The following LRRC4C variants were observed in gnomAD, a reference collection of about 807,000 sequenced individuals.
The protein encoded by LRRC4C is leucine rich repeat containing 4C, also known as leucine-rich repeat-containing protein 4C.
A neutral mutation model predicts 33.6 loss-of-function variants in LRRC4C; 5 were observed. The observed-to-expected ratio is 0.15, with a 90% confidence interval of 0.08 to 0.31. The LOEUF is 0.31. Ranked by LOEUF, LRRC4C falls within the 10% of genes least tolerant of loss-of-function variation. The pLI is 1.00. For synonymous variants in LRRC4C, 329 were observed against 302.0 expected, an observed-to-expected ratio of 1.09 and a Z score of -0.93; for missense variants, 560 against 796.7, an observed-to-expected ratio of 0.70 and a Z score of 3.58.
intron 1 of LRRC4C, among the ~76,000 whole-genome samples, chr11:41,374,111 A>G (rs1034429202): frequency 1.3e-5 from 2 of 152,158 alleles, no homozygotes; most frequent in Admixed American, 1.3e-4. Context: ...CCAAACTTCT[A>G]GACTTGGGAC....
At chr11:40,868,178 C>T (rs1037110774) in intron 2 of LRRC4C, among the ~76,000 whole-genome samples, 2 of 152,010 alleles carry the variant, frequency 1.3e-5, no homozygotes, top group African/African-American at 4.8e-5. Context: ...CTGGGGGATG[C>T]TTGTGAAAAT....
At chr11:40,464,204 G>T (rs1595826) in intron 3 of LRRC4C, among the ~76,000 whole-genome samples, 2 of 151,760 alleles carry the variant, frequency 1.3e-5, no homozygotes, top group Non-Finnish European at 2.9e-5. Context: ...ATGATTCAAC[G>T]CATAAACAGA....
chr11:40,539,814 G>A (rs1956629652), intron 3 of LRRC4C, among the ~76,000 whole-genome samples: 1 of 152,060 alleles, frequency 6.6e-6, no homozygotes, highest in Non-Finnish European at 1.5e-5. Context: ...CAAACTTTAA[G>A]TGAGTTTTGT....
intron 2 of LRRC4C, among the ~76,000 whole-genome samples, chr11:40,710,350 G>A (rs1450059864): frequency 1.3e-5 from 2 of 152,122 alleles, no homozygotes; most frequent in East Asian, 1.9e-4. Context: ...GGTCTTTGAT[G>A]ATGGTGACCT....
intron 1 of LRRC4C, among the ~76,000 whole-genome samples, chr11:41,351,053 G>T (rs1391418171): frequency 2.6e-5 from 4 of 152,082 alleles, no homozygotes; most frequent in Non-Finnish European, 4.4e-5. Flanking sequence ...AACAGGACAA[G>T]ACCTCGTGTC....
At chr11:40,480,706 T>C (rs1285198499) in intron 3 of LRRC4C, among the ~76,000 whole-genome samples, 1 of 151,950 alleles carries the variant, frequency 6.6e-6, no homozygotes, top group African/African-American at 2.4e-5. Context: ...ATACACGCAA[T>C]AGAATATACA....
At chr11:40,960,577 C>T (rs1008915904) in intron 1 of LRRC4C, among the ~76,000 whole-genome samples, 2 of 151,684 alleles carry the variant, frequency 1.3e-5, no homozygotes, top group Non-Finnish European at 3.0e-5. Flanking sequence ...TCAGTTCTTA[C>T]TGGAAATTAA....
chr11:40,136,597 C>T (rs950786581), intron 6 of LRRC4C, among the ~76,000 whole-genome samples: 1 of 152,050 alleles, frequency 6.6e-6, no homozygotes, highest in African/African-American at 2.4e-5. Context: ...ACTTTTCTTA[C>T]CTACTCGCTT....
At chr11:40,323,743 A>T (rs1257185529) in intron 3 of LRRC4C, among the ~76,000 whole-genome samples, 1 of 152,240 alleles carries the variant, frequency 6.6e-6, no homozygotes, top group Non-Finnish European at 1.5e-5. Flanking sequence ...CTGTGCTAAA[A>T]GCAACACAGA....
At chr11:40,250,745 A>G (rs1350483202) in intron 4 of LRRC4C, among the ~76,000 whole-genome samples, 1 of 151,992 alleles carries the variant, frequency 6.6e-6, no homozygotes, top group Non-Finnish European at 1.5e-5. Context: ...TCTCAAAATT[A>G]TAATAATAAT....
rs970904805 is a variant in LRRC4C, at chr11:40,115,000, G to A, written c.1293C>T (p.Ser431=). The A allele has an allele frequency of 1.3e-5, 21 of 1,614,054 alleles. No individual in the cohort carries two copies. Among genetic ancestry groups the A allele is most frequent in the African/African-American group, 5.3e-5 (4 of 74,914 alleles). Residue 431 remains serine (S), a synonymous_variant, in exon 7 of 7, where the codon TCC becomes TCT. Transcript: ENST00000528697. ...TGMYTCMVSN[S]VGNTTASATL... is the part of the protein sequence containing the mutation. ...TGGCTGAAGCAGTAGTATTCCCAACGGAATTACTCACCATACATGTGTACA... is the reference window on the plus strand; with the variant it reads ...TGGCTGAAGCAGTAGTATTCCCAACAGAATTACTCACCATACATGTGTACA...
intron 3 of LRRC4C, among the ~76,000 whole-genome samples, chr11:40,352,106 TCTTTCTTCCTTCCTTC>T (rs1947422270): frequency 2.0e-5 from 2 of 101,478 alleles, no homozygotes; most frequent in African/African-American, 3.1e-5. Context: ...TTTTTTCCTT[TCTTTCTTCCTTCCTTC>T]CTTCCTTCCT....
intron 1 of LRRC4C, among the ~76,000 whole-genome samples, chr11:41,049,712 G>A (rs1354678293): frequency 2.6e-5 from 4 of 152,244 alleles, no homozygotes; most frequent in African/African-American, 9.6e-5. Context: ...ACTAATATAG[G>A]GAAATGATTC....
intron 4 of LRRC4C, among the ~76,000 whole-genome samples, chr11:40,308,013 T>A (rs1472578186): frequency 6.6e-6 from 1 of 152,228 alleles, no homozygotes; most frequent in Admixed American, 6.5e-5. Flanking sequence ...CTGATGGAAT[T>A]TGTATTATTT....
chr11:40,142,563 AC>A (rs1857443168), intron 5 of LRRC4C, among the ~76,000 whole-genome samples: 1 of 152,114 alleles, frequency 6.6e-6, no homozygotes, highest in African/African-American at 2.4e-5. Context: ...CATAATGATC[AC>A]TCTGTCCTTT....
chr11:40,779,283 A>T (rs1295811344), intron 2 of LRRC4C, among the ~76,000 whole-genome samples: 1 of 152,222 alleles, frequency 6.6e-6, no homozygotes, highest in South Asian at 2.1e-4. Flanking sequence ...GACATAAAAA[A>T]TGAATAGAAG....
chr11:40,608,171 A>G (rs1038193625), intron 3 of LRRC4C, among the ~76,000 whole-genome samples: 1 of 152,198 alleles, frequency 6.6e-6, no homozygotes, highest in Non-Finnish European at 1.5e-5. Flanking sequence ...AAATAAAAGA[A>G]TACACATTAA....
At chr11:40,380,737 A>G (rs896340803) in intron 3 of LRRC4C, among the ~76,000 whole-genome samples, 3 of 152,226 alleles carry the variant, frequency 2.0e-5, no homozygotes, top group African/African-American at 7.2e-5. Flanking sequence ...AGTATCTGCT[A>G]TTCACTTCAT....
chr11:40,685,430 A>G (rs911900892), intron 2 of LRRC4C, among the ~76,000 whole-genome samples: 1 of 152,084 alleles, frequency 6.6e-6, no homozygotes, highest in Non-Finnish European at 1.5e-5. Context: ...ATAAAATGTG[A>G]TAATCAGAAA....
Sources: gnomAD v4.1 joint callset for allele counts (sites outside exome capture counted in the v4.1 genomes callset) on GRCh38, gnomAD v4.1.1 for gene constraint, MANE v1.5 for transcripts, NCBI Gene and HGNC (gene_info 2026-07-23, HGNC 2026-07-21) for gene names.